MYT1L: variants seen among roughly 807,000 people sequenced by gnomAD.
MYT1L encodes the protein myelin transcription factor 1 like, also known as myelin transcription factor 1-like protein.
In MYT1L, 12 loss-of-function variants were observed where a neutral mutation model predicts 126.7. The ratio of observed to expected loss-of-function variants is 0.09; its 90% confidence interval spans 0.06 to 0.15. The LOEUF is 0.15. Among genes scored for constraint, MYT1L ranks in the 10% least tolerant of loss-of-function variants. MYT1L has a pLI of 1.00. For missense variants in MYT1L, 979 were observed against 1,585.2 expected, an observed-to-expected ratio of 0.62 and a Z score of 6.49; for synonymous variants, 541 against 604.2, an observed-to-expected ratio of 0.90 and a Z score of 1.53.
At chr2:2,142,318 A>G (rs1183913406) in intron 3 of MYT1L, among the ~76,000 whole-genome samples, 6 of 152,160 alleles carry the variant, frequency 3.9e-5, no homozygotes, top group African/African-American at 1.4e-4. Flanking sequence ...TTGTCATAGC[A>G]TTCTTCCTCC....
chr2:1,821,337 T>C (rs2038495513), intron 21 of MYT1L, among the ~76,000 whole-genome samples: 1 of 152,188 alleles, frequency 6.6e-6, no homozygotes, highest in Admixed American at 6.5e-5. Flanking sequence ...TCTTTTATCT[T>C]CTTTTCTCAT....
chr2:2,054,803 G>A (rs890377297), intron 3 of MYT1L, among the ~76,000 whole-genome samples: 10 of 146,828 alleles, frequency 6.8e-5, no homozygotes, highest in South Asian at 4.4e-4. Context: ...AAGAGATGAT[G>A]AGACACATGG....
intron 4 of MYT1L, among the ~76,000 whole-genome samples, chr2:2,013,998 A>G (rs1374853417): frequency 2.0e-5 from 3 of 152,192 alleles, no homozygotes; most frequent in Non-Finnish European, 4.4e-5. Context: ...CATTCATATG[A>G]CCAGAAATGT....
intron 3 of MYT1L, among the ~76,000 whole-genome samples, chr2:2,137,346 G>T (rs1278892768): frequency 2.6e-5 from 4 of 152,038 alleles, no homozygotes; most frequent in Admixed American, 2.6e-4. Context: ...CTACTTTAAA[G>T]TTCATATGGA....
chr2:2,105,757 T>C (rs986021741), intron 3 of MYT1L, among the ~76,000 whole-genome samples: 1 of 152,218 alleles, frequency 6.6e-6, no homozygotes, highest in Non-Finnish European at 1.5e-5. Flanking sequence ...TGAAGCTAAA[T>C]GTACCAAGTG....
At chr2:2,238,428 T>C (rs941855117) in intron 2 of MYT1L, among the ~76,000 whole-genome samples, 4 of 152,190 alleles carry the variant, frequency 2.6e-5, no homozygotes, top group South Asian at 2.1e-4. Context: ...TTCAGATGTA[T>C]CTGTAGTGCA....
intron 3 of MYT1L, among the ~76,000 whole-genome samples, chr2:2,151,684 G>A (rs1286481391): frequency 6.6e-6 from 1 of 152,102 alleles, no homozygotes; most frequent in Non-Finnish European, 1.5e-5. Flanking sequence ...TACATACCTA[G>A]GATAAAGTTT....
At chr2:2,117,660 A>G (rs2080394737) in intron 3 of MYT1L, among the ~76,000 whole-genome samples, 1 of 152,252 alleles carries the variant, frequency 6.6e-6, no homozygotes, top group African/African-American at 2.4e-5. Context: ...TCTAAACAGC[A>G]TAATACGTTC....
chr2:2,145,739 A>C (rs1207125763), intron 3 of MYT1L, among the ~76,000 whole-genome samples: 1 of 152,206 alleles, frequency 6.6e-6, no homozygotes, highest in African/African-American at 2.4e-5. Flanking sequence ...ACTTTTAAAA[A>C]AATTAAAAAC....
At chr2:2,254,998 A>G (rs1218916310) in intron 2 of MYT1L, among the ~76,000 whole-genome samples, 1 of 152,112 alleles carries the variant, frequency 6.6e-6, no homozygotes, top group African/African-American at 2.4e-5. Flanking sequence ...TTTTTATGAT[A>G]TTTAACCCAT....
intron 19 of MYT1L, chr2:1,842,494 G>A (rs1217862972): frequency 6.6e-6 from 1 of 152,228 alleles, no homozygotes; most frequent in Non-Finnish European, 1.5e-5. Context: ...GCGAGGCGAG[G>A]GCACCTGAGC....
At chr2:1,938,604 G>A (rs1372671875) in intron 9 of MYT1L, among the ~76,000 whole-genome samples, 2 of 152,108 alleles carry the variant, frequency 1.3e-5, no homozygotes, top group Admixed American at 6.5e-5. Flanking sequence ...AGGAGAACAC[G>A]AGTTCCATTA....
intron 2 of MYT1L, among the ~76,000 whole-genome samples, chr2:2,201,644 G>A (rs955554639): frequency 4.0e-5 from 6 of 151,514 alleles, no homozygotes; most frequent in Non-Finnish European, 7.4e-5. Context: ...GCTGCAGGGA[G>A]TTGAGATTGC....
chr2:2,186,916 T>A (rs1328517505), intron 2 of MYT1L, among the ~76,000 whole-genome samples: 1 of 152,232 alleles, frequency 6.6e-6, no homozygotes, highest in African/African-American at 2.4e-5. Flanking sequence ...CTGTGTGCAA[T>A]ATCATCTTCT....
At position 1,943,154 on chromosome 2, in the gene MYT1L, G is replaced by C; in HGVS notation, c.333C>G (p.Ser111=). Reference sequence around the variant, plus strand: ...CATCCCCTGGCTCATCATTGTCCTCGGAGTACTCCTCCCCCTCATCCTCCT... The same window carrying C: ...CATCCCCTGGCTCATCATTGTCCTCCGAGTACTCCTCCCCCTCATCCTCCT... ...EKEEDEGEEY[S]EDNDEPGDED... The change falls in exon 9 of 25, where the codon TCC becomes TCG. Residue 111 remains serine (S), a synonymous_variant. Coordinates refer to ENST00000647738, the MANE Select transcript of MYT1L (RefSeq NM_001303052.2). The surrounding 1 kb of genome is among the most constrained non-coding windows in gnomAD (Gnocchi z 4.4). 1 of 1,540,282 alleles carries C rather than the reference G, an allele frequency of 6.5e-7. No individual in the cohort carries two copies.
At chr2:2,250,120 T>A (rs1224682962) in intron 2 of MYT1L, among the ~76,000 whole-genome samples, 2 of 152,096 alleles carry the variant, frequency 1.3e-5, no homozygotes, top group Admixed American at 1.3e-4. Flanking sequence ...TGAAAGTTTC[T>A]GAAAAAAATA....
chr2:1,845,074 A>G (rs12714320), intron 19 of MYT1L, among the ~76,000 whole-genome samples: 74,653 of 151,462 alleles, frequency 0.49, 20,902 homozygotes, highest in African/African-American at 0.77. Flanking sequence ...CGCCTCCCAG[A>G]TTCAAACGAT....
At chr2:1,975,946 T>G (rs2060144388) in intron 8 of MYT1L, among the ~76,000 whole-genome samples, 3 of 152,162 alleles carry the variant, frequency 2.0e-5, no homozygotes, top group Admixed American at 6.5e-5. Flanking sequence ...TTTTTTACAT[T>G]GCTGATGCCC....
chr2:1,985,775 A>T (rs952996660), intron 5 of MYT1L, among the ~76,000 whole-genome samples: 1 of 152,216 alleles, frequency 6.6e-6, no homozygotes, highest in African/African-American at 2.4e-5. Context: ...ATGTCTTGTA[A>T]TAGGCCCCCT....
Sources: allele counts gnomAD v4.1 joint callset (sites outside exome capture counted in the v4.1 genomes callset), GRCh38; gene constraint gnomAD v4.1.1; non-coding constraint Gnocchi (gnomAD v3.1); transcripts MANE v1.5; gene names NCBI Gene and HGNC (gene_info 2026-07-23, HGNC 2026-07-21).